Variants in PPP2R2A observed in about 807,000 individuals in gnomAD.
The protein encoded by PPP2R2A is serine/threonine-protein phosphatase 2A 55 kDa regulatory subunit B alpha isoform.
A neutral mutation model predicts 53.2 loss-of-function variants in PPP2R2A; 9 were observed. The ratio of observed to expected loss-of-function variants is 0.17; its 90% CI spans 0.10 to 0.30. PPP2R2A has a LOEUF of 0.30. PPP2R2A is among the 10% of genes least tolerant of loss of function. PPP2R2A has a pLI of 1.00. For synonymous variants in PPP2R2A, 169 were observed against 174.2 expected (o/e 0.97, Z 0.23); for missense variants, 235 against 534.6 (o/e 0.44, Z 5.53).
chr8:26,344,759 T>G (rs1235280492), intron 3 of PPP2R2A, among the ~76,000 whole-genome samples: 1 of 152,212 alleles, frequency 6.6e-6, no homozygotes, highest in Non-Finnish European at 1.5e-5. Context: ...TTTAAATATT[T>G]AAAATATCGG....
intron 2 of PPP2R2A, among the ~76,000 whole-genome samples, chr8:26,334,707 TGCACTCCA>T (rs920855971): frequency 7.9e-5 from 12 of 151,946 alleles, no homozygotes; most frequent in Non-Finnish European, 1.3e-4. Context: ...ATCGCGCCAC[TGCACTCCA>T]GCCTGGGCGG....
intron 2 of PPP2R2A, among the ~76,000 whole-genome samples, chr8:26,314,793 A>G (rs1355314487): frequency 7.1e-6 from 1 of 141,370 alleles, no homozygotes; most frequent in Non-Finnish European, 1.5e-5. Context: ...TTGTAGATTC[A>G]TTTCCTTCTG....
intron 3 of PPP2R2A, among the ~76,000 whole-genome samples, chr8:26,351,292 C>A (rs1034161800): frequency 6.6e-6 from 1 of 151,946 alleles, no homozygotes; most frequent in Non-Finnish European, 1.5e-5. Flanking sequence ...TGTTCTCTCT[C>A]CCCTAATGCA....
intron 3 of PPP2R2A, among the ~76,000 whole-genome samples, chr8:26,349,215 TTA>T (rs1212992032): frequency 6.6e-6 from 1 of 150,522 alleles, no homozygotes; most frequent in African/African-American, 2.4e-5. Flanking sequence ...ATAATATTGC[TTA>T]GTTTTGGTGG....
intron 2 of PPP2R2A, among the ~76,000 whole-genome samples, chr8:26,313,336 A>G (rs1025681600): frequency 6.6e-6 from 1 of 151,906 alleles, no homozygotes; most frequent in Non-Finnish European, 1.5e-5. Context: ...TGCCTGGCCT[A>G]TTTTCATATT....
Position 26,344,641 on chromosome 8 carries a change from T to C in PPP2R2A, c.180+5654T>C, listed in dbSNP as rs541961620. ...AGCCATCTCTTCTTGTTCAGCCTTTTAGCGTCCAGATTTCTGTCCAGACTG... is the reference window on the plus strand; with the variant it reads ...AGCCATCTCTTCTTGTTCAGCCTTTCAGCGTCCAGATTTCTGTCCAGACTG... On this transcript the variant is annotated intron_variant, in intron 3 of 9. Coordinates refer to ENST00000380737, the MANE Select transcript of PPP2R2A (RefSeq NM_002717.4). Among the ~76,000 whole-genome samples, 84 of 152,346 alleles carry C rather than the reference T, an allele frequency of 5.5e-4. 1 individual carries two copies. Among genetic ancestry groups the C allele is most frequent in the Admixed American group, 5.0e-3 (76 of 15,302 alleles).
In PPP2R2A at chr8:26,353,750, A is replaced by C. The variant is rs117993424; in HGVS notation, c.181-718A>C. On this transcript the variant is annotated intron_variant, in intron 3 of 9. Coordinates refer to ENST00000380737, the MANE Select transcript of PPP2R2A (RefSeq NM_002717.4). ...AATTACATTTTTTCAAAGTGATACTAAATGAAATTAGTCATCAGTGTGTGC... is the reference window on the plus strand; with the variant it reads ...AATTACATTTTTTCAAAGTGATACTCAATGAAATTAGTCATCAGTGTGTGC... Among the ~76,000 whole-genome samples, 472 of 152,340 alleles carry C rather than the reference A, an allele frequency of 3.1e-3. 10 individuals are homozygous for C. The highest frequency in any genetic ancestry group is 0.026 in the Admixed American group (403 of 15,308).
chr8:26,295,992 A>G (rs1801525161), intron 2 of PPP2R2A, among the ~76,000 whole-genome samples: 1 of 151,894 alleles, frequency 6.6e-6, no homozygotes, highest in Non-Finnish European at 1.5e-5. Flanking sequence ...TTAATGATAC[A>G]TTTTGATTGT....
intron 2 of PPP2R2A, among the ~76,000 whole-genome samples, chr8:26,320,543 C>T (rs1471471552): frequency 1.3e-5 from 2 of 152,168 alleles, no homozygotes; most frequent in Non-Finnish European, 2.9e-5. Context: ...GTATATTCCA[C>T]AGTGCCAGGT....
In PPP2R2A at chr8:26,291,755, A is replaced by AG; in HGVS notation, c.-59dup. The AG allele has an allele frequency of 2.1e-6, 3 of 1,419,428 alleles. No homozygotes were observed. The highest frequency in any genetic ancestry group is 3.8e-5 in the East Asian group (1 of 26,152). 87.9% of individuals were successfully genotyped at this position (1,419,428 alleles called of 1,614,324 possible). The stretch of plus-strand genomic sequence containing the variant: ...CTCTCTACCCCCCCATCCCCAGGTG[A>AG]GGGGGGTGAGTTCAGGAAGCGGAGA... On this transcript the variant is annotated 5_prime_UTR_variant, in exon 1 of 10. Transcript: ENST00000380737.
At chr8:26,330,307 C>CTTTTTTTTT (rs11351968) in intron 2 of PPP2R2A, among the ~76,000 whole-genome samples, 3 of 129,950 alleles carry the variant, frequency 2.3e-5, no homozygotes, top group Non-Finnish European at 3.3e-5. Context: ...ATTCTTTTTT[C>CTTTTTTTTT]TTTTTTTTTT....
chr8:26,323,452 G>A (rs1554511049), intron 2 of PPP2R2A, among the ~76,000 whole-genome samples: 2 of 152,138 alleles, frequency 1.3e-5, no homozygotes, highest in Non-Finnish European at 2.9e-5. Flanking sequence ...CCACAAGACT[G>A]CCCCCACTTT....
chr8:26,360,280 G>A lies in PPP2R2A; in HGVS notation c.458G>A (p.Arg153Gln), dbSNP rs909764881. 4 of 1,557,756 alleles carry A rather than the reference G, an allele frequency of 2.6e-6. No individual in the cohort carries two copies. Among genetic ancestry groups the A allele is most frequent in the African/African-American group, 1.4e-5 (1 of 73,204 alleles). The stretch of plus-strand genomic sequence containing the variant: ...GATCCTACTACAGTTACTACACTAC[G>A]AGTAAGTACATAAGAAAAAAATGTC... The part of the protein sequence containing the change: ...YRDPTTVTTL[R>Q]VPVFRPMDLM... Residue 153 changes from arginine to glutamine, a missense_variant and splice_region_variant, in exon 5 of 10, where the codon CGA becomes CAA. Physicochemically the swap from Arg to Gln is conservative, Grantham distance 43. Transcript: ENST00000380737. The surrounding 1 kb of genome is among the most constrained non-coding windows in gnomAD (Gnocchi z 4.5).
chr8:26,364,798 A>AT (rs1378585275), intron 8 of PPP2R2A, among the ~76,000 whole-genome samples: 1 of 152,150 alleles, frequency 6.6e-6, no homozygotes, highest in African/African-American at 2.4e-5. Flanking sequence ...TCATACACAG[A>AT]TTTTTTGTTT....
At chr8:26,292,305 T>C (rs1280150953) in intron 1 of PPP2R2A, 15 of 989,682 alleles carry the variant, frequency 1.5e-5, no homozygotes, top group Non-Finnish European at 1.8e-5. Context: ...TAAGTTAAAA[T>C]ACAGTGGGGG....
chr8:26,360,897 T>G lies in PPP2R2A; in HGVS notation c.460-77T>G. Reference sequence around the variant, plus strand: ...TTTATGTTCTCAAAAACTGAAATAATGAAGTTTTCTGAATCTTAATTGCTA... The same window carrying G: ...TTTATGTTCTCAAAAACTGAAATAAGGAAGTTTTCTGAATCTTAATTGCTA... On this transcript the variant is annotated intron_variant, in intron 5 of 9. Coordinates refer to ENST00000380737, the MANE Select transcript of PPP2R2A (RefSeq NM_002717.4). The surrounding 1 kb of genome is among the most constrained non-coding windows in gnomAD (Gnocchi z 4.5). The G allele has an allele frequency of 7.2e-7, 1 of 1,380,996 alleles. No individual in the cohort carries two copies. The highest frequency in any genetic ancestry group is 9.9e-7 in the Non-Finnish European group (1 of 1,013,796). The allele number at this position is 1,380,996 out of a possible 1,614,324, so 85.5% of individuals were successfully genotyped here. A position where few individuals can be genotyped will look rare whatever the true frequency, so the allele number is the denominator to read the frequency against.
In PPP2R2A at chr8:26,360,817, G is replaced by A. The variant is rs1805042138; in HGVS notation, c.460-157G>A. The A allele has an allele frequency of 4.8e-6, 3 of 629,762 alleles. 1 individual carries two copies. In the South Asian group the frequency reaches 7.7e-5, roughly 16 times the overall value. 39.0% of individuals were successfully genotyped at this position (629,762 alleles called of 1,614,324 possible). ...ATTGTTCATTTTTTCTTCAGCACTC[G>A]AAAGGATCAACATCAGTTGCTTTTT... On this transcript the variant is annotated intron_variant, in intron 5 of 9. Coordinates refer to ENST00000380737, the MANE Select transcript of PPP2R2A (RefSeq NM_002717.4). This position sits in a 1 kb window ranked among gnomAD's most constrained non-coding sequence, Gnocchi z 4.5.
In PPP2R2A at chr8:26,360,098, G is replaced by C; in HGVS notation, c.347-71G>C. On this transcript the variant is annotated intron_variant, in intron 4 of 9. Coordinates refer to ENST00000380737, the MANE Select transcript of PPP2R2A (RefSeq NM_002717.4). This position sits in a 1 kb window ranked among gnomAD's most constrained non-coding sequence, Gnocchi z 4.5. Reference sequence around the variant, plus strand: ...ATCCTTTTACGTGAAATGTGAAATAGCATATTTTAAATGCCTTAAAATGTT... The same window carrying C: ...ATCCTTTTACGTGAAATGTGAAATACCATATTTTAAATGCCTTAAAATGTT... The C allele has an allele frequency of 2.7e-6, 2 of 731,202 alleles. No individual in the cohort carries two copies. Among genetic ancestry groups the C allele is most frequent in the Non-Finnish European group, 4.4e-6 (2 of 449,900 alleles). 45.3% of individuals were successfully genotyped at this position (731,202 alleles called of 1,614,324 possible).
At chr8:26,334,046 A>G (rs1286499046) in intron 2 of PPP2R2A, among the ~76,000 whole-genome samples, 1 of 152,210 alleles carries the variant, frequency 6.6e-6, no homozygotes, top group Non-Finnish European at 1.5e-5. Flanking sequence ...CCTTTTAAAT[A>G]CTACCTTTAT....
Sources: gnomAD v4.1 joint callset for allele counts (sites outside exome capture counted in the v4.1 genomes callset) on GRCh38, gnomAD v4.1.1 for gene constraint, Gnocchi (gnomAD v3.1) non-coding constraint, MANE v1.5 for transcripts, NCBI Gene and HGNC (gene_info 2026-07-23, HGNC 2026-07-21) for gene names.